PSMD1: variants seen among roughly 807,000 people sequenced by gnomAD.
PSMD1 encodes the protein proteasome 26S subunit, non-ATPase 1.
A neutral mutation model predicts 119.0 loss-of-function variants in PSMD1; 18 were observed. That is an observed-to-expected ratio of 0.15 (90% CI 0.10 to 0.22). The LOEUF (loss-of-function observed/expected upper bound fraction) is 0.22, where lower values mean the gene tolerates loss of function less well. Among genes scored for constraint, PSMD1 ranks in the 10% least tolerant of loss-of-function variants. The pLI is 1.00. For synonymous variants in PSMD1, 374 were observed against 396.6 expected, an observed-to-expected ratio of 0.94 and a Z score of 0.68; for missense variants, 702 against 1,158.5, an observed-to-expected ratio of 0.61 and a Z score of 5.72.
At chr2:231,127,958 A>G (rs1695764960) in intron 16 of PSMD1, among the ~76,000 whole-genome samples, 1 of 152,200 alleles carries the variant, frequency 6.6e-6, no homozygotes, top group African/African-American at 2.4e-5. Flanking sequence ...AAAAAAACCT[A>G]ATTGGCACAT....
In PSMD1 at chr2:231,085,028, C is replaced by G; in HGVS notation, c.1732C>G (p.Leu578Val). 1.4e-5 allele frequency: 23 copies of G among 1,613,190 alleles called. No homozygotes were observed. Among genetic ancestry groups the G allele is most frequent in the Non-Finnish European group, 1.9e-5 (22 of 1,179,226 alleles). The change falls in exon 15 of 25, where the codon CTT becomes GTT. Residue 578 changes from leucine to valine, a missense_variant. Leu to Val is a conservative substitution (Grantham distance 32). Transcript: ENST00000308696. ...ESLCRDKDPI[L>V]RRSGMYTVAM... ...AAATTATTTTTCTTAGGACCCAATT[C>G]TTCGAAGGTCTGGAATGTATACTGT...
At chr2:231,108,322 C>T in intron 16 of PSMD1, 2 of 540,950 alleles carry the variant, frequency 3.7e-6, no homozygotes, top group Non-Finnish European at 6.5e-6. Context: ...TCATTTGTAG[C>T]TATATAAAAT....
At chr2:231,150,389 T>A (rs1456095479) in intron 18 of PSMD1, among the ~76,000 whole-genome samples, 1 of 151,684 alleles carries the variant, frequency 6.6e-6, no homozygotes, top group Non-Finnish European at 1.5e-5. Context: ...TATAGATATA[T>A]ACAGATATAT....
chr2:231,145,201 C>A (rs772110755), intron 17 of PSMD1, among the ~76,000 whole-genome samples: 1 of 152,108 alleles, frequency 6.6e-6, no homozygotes, highest in Non-Finnish European at 1.5e-5. Flanking sequence ...ATGGCAGTTC[C>A]GTGAATGTAC....
chr2:231,119,190 T>C (rs1695446287), intron 16 of PSMD1, among the ~76,000 whole-genome samples: 1 of 152,348 alleles, frequency 6.6e-6, no homozygotes, highest in Non-Finnish European at 1.5e-5. Context: ...AATTCATTGC[T>C]TTTCTCCTCC....
intron 16 of PSMD1, among the ~76,000 whole-genome samples, chr2:231,116,045 A>G (rs1419052023): frequency 6.6e-6 from 1 of 152,130 alleles, no homozygotes; most frequent in African/African-American, 2.4e-5. Context: ...ATGGAAAGGA[A>G]CTAATGGGAG....
In PSMD1 at chr2:231,159,908, C is replaced by T. The variant is rs538353915; in HGVS notation, c.2219-1432C>T. ...ACGTTCAGCCTAGATCCCTCGCGTG[C>T]GCGGTTCACAATAAGGTTCACATTC... On this transcript the variant is annotated intron_variant, in intron 19 of 24. Transcript: ENST00000308696. Among the ~76,000 whole-genome samples the T allele has an allele frequency of 2.6e-5, 4 of 152,326 alleles. No homozygotes were observed. The South Asian group carries it at 6.2e-4, about 24-fold the overall frequency.
chr2:231,097,068 A>G (rs1283901209), intron 16 of PSMD1, among the ~76,000 whole-genome samples: 3 of 152,248 alleles, frequency 2.0e-5, no homozygotes, highest in Non-Finnish European at 2.9e-5. Flanking sequence ...GTATTTCCTT[A>G]CAGCTTTCTT....
chr2:231,092,910 A>G (rs1694632923), intron 16 of PSMD1, among the ~76,000 whole-genome samples: 1 of 152,232 alleles, frequency 6.6e-6, no homozygotes, highest in Non-Finnish European at 1.5e-5. Flanking sequence ...TTGGGCAGGT[A>G]CACAGTAAGG....
Position 231,061,297 on chromosome 2 carries a change from A to C in PSMD1, c.47A>C (p.Glu16Ala). The change falls in exon 2 of 25, where the codon GAA becomes GCA. Residue 16 changes from glutamate (E) to alanine (A), a missense_variant. Around this residue, in one of 9 missense-constraint regions of PSMD1, gnomAD observed 60 missense variants for 118.2 expected, o/e 0.51. Transcript: ENST00000308696. ...AGIISLLDED[E>A]PQLKEFALHK... ...ATTATTTCTCTTCTGGATGAAGATG[A>C]ACCACAGCTTAAGGTATGAATTGAA... The C allele has an allele frequency of 6.3e-7, 1 of 1,597,608 alleles. No individual in the cohort carries two copies.
At position 231,085,674 on chromosome 2, in the gene PSMD1, A is replaced by G. The variant is rs186585303; in HGVS notation, c.1818+560A>G. The stretch of plus-strand genomic sequence containing the variant: ...CCCCCACACCCCGGGACCCCTAAGG[A>G]ACATGATCTATTACAAGAGATGCAC... On this transcript the variant is annotated intron_variant, in intron 15 of 24. Coordinates refer to ENST00000308696, the MANE Select transcript of PSMD1 (RefSeq NM_002807.4). 1.0e-3 allele frequency among the ~76,000 whole-genome samples: 151 copies of G among 147,344 alleles called. 3 individuals are homozygous for G. The East Asian group carries it at 0.023, about 22-fold the overall frequency.
chr2:231,077,252 T>G, intron 9 of PSMD1, 90 bp downstream of exon 9: 1 of 974,368 alleles, frequency 1.0e-6, no homozygotes, highest in Non-Finnish European at 1.4e-6. Flanking sequence ...GTTGGATACT[T>G]TCTTTATTTT....
intron 11 of PSMD1, 150 bp downstream of exon 11, chr2:231,079,764 A>ATTT: frequency 1.8e-6 from 1 of 544,506 alleles, no homozygotes. Context: ...AGTAAATAAG[A>ATTT]TACTGAAGTA....
chr2:231,105,794 C>CCACTAA (rs113354673), intron 16 of PSMD1, among the ~76,000 whole-genome samples: 2 of 152,072 alleles, frequency 1.3e-5, no homozygotes, highest in African/African-American at 4.8e-5. Flanking sequence ...GAACCAGTTA[C>CCACTAA]CACTAACACT....
At chr2:231,093,407 G>T (rs1694647279) in intron 16 of PSMD1, among the ~76,000 whole-genome samples, 2 of 152,150 alleles carry the variant, frequency 1.3e-5, no homozygotes, top group Admixed American at 6.5e-5. Context: ...TCCGGGGCTT[G>T]TGTCATCCTA....
At chr2:231,135,567 A>G (rs538814089) in intron 16 of PSMD1, among the ~76,000 whole-genome samples, 4 of 152,168 alleles carry the variant, frequency 2.6e-5, no homozygotes, top group Non-Finnish European at 4.4e-5. Flanking sequence ...ATAATAACTG[A>G]TAGCATATAT....
intron 4 of PSMD1, 140 bp downstream of exon 4, chr2:231,062,815 T>C (rs1693793078): frequency 5.6e-6 from 4 of 716,416 alleles, no homozygotes; most frequent in Admixed American, 3.6e-5. Flanking sequence ...AATAATTTTA[T>C]GCAGGCTGAG....
intron 13 of PSMD1, 116 bp downstream of exon 13, chr2:231,083,110 G>T: frequency 1.2e-6 from 1 of 808,520 alleles, no homozygotes; most frequent in South Asian, 1.9e-5. Context: ...TTCTCTAGTT[G>T]AAGAGGAAGT....
chr2:231,057,568 G>A, intron 1 of PSMD1, among the ~76,000 whole-genome samples: 1 of 152,156 alleles, frequency 6.6e-6, no homozygotes, highest in East Asian at 1.9e-4. Context: ...CCGATCCAAG[G>A]GTGTTCATTC....
Sources: gnomAD v4.1 joint callset for allele counts (sites outside exome capture counted in the v4.1 genomes callset) on GRCh38, gnomAD v4.1.1 for gene constraint, gnomAD v4.1.1 regional missense constraint, MANE v1.5 for transcripts, NCBI Gene and HGNC (gene_info 2026-07-23, HGNC 2026-07-21) for gene names.